Variants in FGD4 observed in about 807,000 individuals in gnomAD.
FGD4 encodes the protein FYVE, RhoGEF and PH domain-containing protein 4.
Under a neutral mutation model 102.0 loss-of-function variants are expected in FGD4, and 42 were observed. The ratio of observed to expected loss-of-function variants is 0.41; its 90% CI spans 0.32 to 0.53. The LOEUF is 0.53. Among genes scored for constraint, FGD4 ranks in the 20% least tolerant of loss-of-function variants. FGD4 has a pLI of 0.21. For synonymous variants in FGD4, 380 were observed against 375.7 expected (o/e 1.01, Z -0.13); for missense variants, 902 against 1,078.2 (o/e 0.84, Z 2.29).
intron 1 of FGD4, among the ~76,000 whole-genome samples, chr12:32,409,935 T>G (rs749547303): frequency 1.4e-4 from 21 of 151,076 alleles, no homozygotes; most frequent in Non-Finnish European, 2.5e-4. Context: ...GGTGGCCACA[T>G]TGGGAGGATT....
At chr12:32,580,547 A>G (rs896928478) in intron 3 of FGD4, among the ~76,000 whole-genome samples, 3 of 152,044 alleles carry the variant, frequency 2.0e-5, no homozygotes, top group African/African-American at 7.2e-5. Context: ...TATAGCCCAC[A>G]GTTTTGTGCT....
chr12:32,565,559 G>C (rs1216290574), intron 2 of FGD4, among the ~76,000 whole-genome samples: 5 of 152,186 alleles, frequency 3.3e-5, no homozygotes, highest in Non-Finnish European at 7.3e-5. Flanking sequence ...AATTGTAGTT[G>C]TAATTTTCCT....
intron 1 of FGD4, among the ~76,000 whole-genome samples, chr12:32,526,515 A>G (rs917547759): frequency 6.6e-6 from 1 of 152,138 alleles, no homozygotes; most frequent in African/African-American, 2.4e-5. Context: ...GGGATTGTAA[A>G]CGCACCAATC....
chr12:32,505,835 T>C (rs1938672129), intron 1 of FGD4, among the ~76,000 whole-genome samples: 1 of 152,200 alleles, frequency 6.6e-6, no homozygotes, highest in Non-Finnish European at 1.5e-5. Context: ...TTTTTTATTT[T>C]TACCAGTTTA....
At chr12:32,402,483 C>G (rs1158552792) in intron 1 of FGD4, among the ~76,000 whole-genome samples, 1 of 151,870 alleles carries the variant, frequency 6.6e-6, no homozygotes, top group African/African-American at 2.4e-5. Flanking sequence ...CAGGATAAGG[C>G]TAGAGTGCTG....
chr12:32,445,298 A>T (rs2136462971), intron 1 of FGD4, among the ~76,000 whole-genome samples: 1 of 152,362 alleles, frequency 6.6e-6, no homozygotes, highest in South Asian at 2.1e-4. Flanking sequence ...GTTTTAAAAT[A>T]AATTTTTATA....
intron 1 of FGD4, among the ~76,000 whole-genome samples, chr12:32,535,769 G>A (rs777684770): frequency 3.0e-4 from 45 of 152,164 alleles, no homozygotes; most frequent in Non-Finnish European, 5.4e-4. Flanking sequence ...GAGATGATTG[G>A]AGAGACAGTA....
chr12:32,526,061 A>G (rs992567556), intron 1 of FGD4, among the ~76,000 whole-genome samples: 3 of 152,234 alleles, frequency 2.0e-5, no homozygotes, highest in African/African-American at 4.8e-5. Context: ...ATGCGAGCGC[A>G]GGGGGCAGGA....
At chr12:32,570,839 G>A (rs1945603304) in intron 2 of FGD4, among the ~76,000 whole-genome samples, 1 of 152,132 alleles carries the variant, frequency 6.6e-6, no homozygotes, top group Admixed American at 6.5e-5. Flanking sequence ...GTAAGATCCA[G>A]TTCTTCACAG....
At chr12:32,560,298 G>C (rs1170019169) in intron 1 of FGD4, among the ~76,000 whole-genome samples, 6 of 152,154 alleles carry the variant, frequency 3.9e-5, no homozygotes, top group Non-Finnish European at 8.8e-5. Flanking sequence ...TCATTTTGGA[G>C]TGCAGCGCAA....
At chr12:32,465,935 T>C (rs1216098203) in intron 1 of FGD4, among the ~76,000 whole-genome samples, 2 of 152,130 alleles carry the variant, frequency 1.3e-5, no homozygotes, top group Admixed American at 6.5e-5. Flanking sequence ...TACGCCACCA[T>C]GCGTGGCTAC....
intron 1 of FGD4, among the ~76,000 whole-genome samples, chr12:32,435,722 A>AT (rs1942208238): frequency 6.6e-6 from 1 of 152,156 alleles, no homozygotes; most frequent in South Asian, 2.1e-4. Flanking sequence ...TTTACATGGT[A>AT]TTTCTGGCAG....
intron 1 of FGD4, chr12:32,502,175 C>G: frequency 3.0e-6 from 3 of 985,500 alleles, no homozygotes; most frequent in Non-Finnish European, 2.4e-6. Flanking sequence ...CCTTGCTGGG[C>G]TGGGAAGTGG....
At chr12:32,539,570 A>AC (rs1555198611) in intron 1 of FGD4, among the ~76,000 whole-genome samples, 1 of 132,558 alleles carries the variant, frequency 7.5e-6, no homozygotes, top group Admixed American at 7.1e-5. Flanking sequence ...ACTCTGTCTC[A>AC]GGGGGGAAAA....
intron 1 of FGD4, among the ~76,000 whole-genome samples, chr12:32,442,492 G>A (rs760878960): frequency 1.3e-5 from 2 of 150,182 alleles, no homozygotes; most frequent in Non-Finnish European, 3.0e-5. Flanking sequence ...TGGTGTCCTT[G>A]TGGTGGGGTG....
intron 12 of FGD4, chr12:32,624,714 TCTGC>T: frequency 1.5e-6 from 1 of 654,436 alleles, no homozygotes; most frequent in South Asian, 1.6e-5. Flanking sequence ...GCTCAAGCGA[TCTGC>T]CTGCCTCGGT....
intron 1 of FGD4, among the ~76,000 whole-genome samples, chr12:32,475,022 G>A (rs1245514086): frequency 1.3e-5 from 2 of 152,184 alleles, no homozygotes. Flanking sequence ...ACAGAAAAAA[G>A]CAGCAGATGT....
intron 7 of FGD4, among the ~76,000 whole-genome samples, chr12:32,603,071 C>T (rs978058374): frequency 9.2e-5 from 14 of 152,156 alleles, no homozygotes; most frequent in African/African-American, 3.4e-4. Flanking sequence ...ACACTTTGTT[C>T]CAATATAGCT....
chr12:32,426,629 G>A (rs529763740), intron 1 of FGD4, among the ~76,000 whole-genome samples: 15 of 152,136 alleles, frequency 9.9e-5, no homozygotes, highest in South Asian at 2.1e-4. Context: ...GAATAGTTTC[G>A]GAAGGAATGG....
Sources: gnomAD v4.1 joint callset for allele counts (sites outside exome capture counted in the v4.1 genomes callset) on GRCh38, gnomAD v4.1.1 for gene constraint, MANE v1.5 for transcripts, NCBI Gene and HGNC (gene_info 2026-07-23, HGNC 2026-07-21) for gene names.